Variants in UMOD observed in about 807,000 individuals in gnomAD.
UMOD encodes Tamm-Horsfall urinary glycoprotein.
In UMOD, 64 loss-of-function variants were observed where a neutral mutation model predicts 66.0. The observed-to-expected ratio is 0.97, with a 90% CI of 0.79 to 1.19. The LOEUF is 1.19. Among genes scored for constraint, UMOD ranks in the 50% most tolerant of loss-of-function variants. UMOD has a pLI of 0.00. For synonymous variants in UMOD, 398 were observed against 352.7 expected (o/e 1.13, Z -1.44); for missense variants, 764 against 850.9 (o/e 0.90, Z 1.27).
chr16:20,333,165 C>T lies in UMOD; in HGVS notation c.*149G>A, dbSNP rs543715946. The T allele has an allele frequency of 5.5e-5, 46 of 842,714 alleles. No homozygotes were observed. Among genetic ancestry groups the T allele is most frequent in the African/African-American group, 1.2e-4 (7 of 59,176 alleles). The allele number at this position is 842,714 out of a possible 1,614,324, so 52.2% of individuals were successfully genotyped here. A position where few individuals can be genotyped will look rare whatever the true frequency, so the allele number is the denominator to read the frequency against. Reference sequence around the variant, plus strand: ...GCATTTAAAGACACAGGCTGTTTCTCGACAGCCAGGATTAAAAGGGAGAAA... The same window carrying T: ...GCATTTAAAGACACAGGCTGTTTCTTGACAGCCAGGATTAAAAGGGAGAAA... On this transcript the variant is annotated 3_prime_UTR_variant, in exon 11 of 11. Coordinates refer to ENST00000396138, the MANE Select transcript of UMOD (RefSeq NM_003361.4).
At position 20,348,337 on chromosome 16, in the gene UMOD, G is replaced by A. The variant is rs1965699705; in HGVS notation, c.866-7C>T. ...CCCTCCACGGAGCTGGGGTCTGCAG[G>A]GTCACAGGGACAGACAGACAATCAA... is the stretch of plus-strand genomic sequence containing the variant. On this transcript the variant is annotated splice_region_variant and splice_polypyrimidine_tract_variant and intron_variant, in intron 3 of 10. Coordinates refer to ENST00000396138, the MANE Select transcript of UMOD (RefSeq NM_003361.4). 12 of 1,614,092 alleles carry A rather than the reference G, an allele frequency of 7.4e-6. 1 individual carries two copies. The African/African-American group carries it at 9.3e-5, about 13-fold the overall frequency.
At chr16:20,345,399 TTTTTC>T (rs199835507) in intron 5 of UMOD, among the ~76,000 whole-genome samples, 2,769 of 41,562 alleles carry the variant, frequency 0.067, 70 homozygotes, top group African/African-American at 0.13. Flanking sequence ...CTTTTCTTTT[TTTTTC>T]TTTCTTTCTT....
chr16:20,350,626 A>T (rs758101807), intron 2 of UMOD, 24 bp downstream of exon 2: 2 of 1,613,634 alleles, frequency 1.2e-6, no homozygotes, highest in Non-Finnish European at 1.7e-6. Context: ...ACACATATAC[A>T]ACGCACACAC....
chr16:20,342,249 G>T (rs1186077996), intron 6 of UMOD, among the ~76,000 whole-genome samples: 1 of 152,244 alleles, frequency 6.6e-6, no homozygotes, highest in Non-Finnish European at 1.5e-5. Context: ...CCACCTGGGA[G>T]ACTGAGGTGG....
chr16:20,340,524 T>A (rs948421595), intron 7 of UMOD, among the ~76,000 whole-genome samples: 2 of 150,908 alleles, frequency 1.3e-5, no homozygotes, highest in Non-Finnish European at 3.0e-5. Context: ...CCAATACATA[T>A]GTATTGATAA....
intron 7 of UMOD, among the ~76,000 whole-genome samples, chr16:20,340,457 T>C (rs1965132107): frequency 1.7e-5 from 2 of 116,348 alleles, no homozygotes; most frequent in Non-Finnish European, 3.3e-5. Context: ...TGTGTGTATA[T>C]ATATGTGTGT....
chr16:20,348,569 G>A lies in UMOD; in HGVS notation c.732C>T (p.Ser244=). Residue 244 remains serine (S), a synonymous_variant, in exon 3 of 11, where the codon AGC becomes AGT. Coordinates refer to ENST00000396138, the MANE Select transcript of UMOD (RefSeq NM_003361.4). ...CGCTCCAGTGCGCGCAGGCCTTGCGGCTCACGATGCCCTCGTCGCTGGACG... is the reference window on the plus strand; with the variant it reads ...CGCTCCAGTGCGCGCAGGCCTTGCGACTCACGATGCCCTCGTCGCTGGACG... ...THPSSDEGIV[S]RKACAHWSGH... The A allele has an allele frequency of 6.3e-7, 1 of 1,596,326 alleles. No individual in the cohort carries two copies. Among genetic ancestry groups the A allele is most frequent in the Middle Eastern group, 1.7e-4 (1 of 6,032 alleles).
Position 20,336,693 on chromosome 16 carries a change from A to G in UMOD, c.1775T>C (p.Val592Ala). The G allele has an allele frequency of 6.2e-7, 1 of 1,614,094 alleles. No homozygotes were observed. Among genetic ancestry groups the G allele is most frequent in the Non-Finnish European group, 8.5e-7 (1 of 1,180,004 alleles). ...CSGTRFRSGSVIDQSRVLNLG... is the reference protein window; with the variant it reads ...CSGTRFRSGSAIDQSRVLNLG... ...GTTCAGGACACGGGATTGATCTATGACACTCCCACTTCGGAATCTGGTCCC... is the reference window on the plus strand; with the variant it reads ...GTTCAGGACACGGGATTGATCTATGGCACTCCCACTTCGGAATCTGGTCCC... The change falls in exon 9 of 11, where the codon GTC (valine) becomes GCC (alanine). Residue 592 changes from valine (V) to alanine (A), a missense_variant. Val to Ala is a moderately conservative substitution (Grantham distance 64). Coordinates refer to ENST00000396138, the MANE Select transcript of UMOD (RefSeq NM_003361.4).
At position 20,349,584 on chromosome 16, in the gene UMOD, G is replaced by A. The variant is rs551498901; in HGVS notation, c.89-372C>T. 10 of 1,289,856 alleles carry A rather than the reference G, an allele frequency of 7.8e-6. No individual in the cohort carries two copies. In the East Asian group the frequency reaches 2.1e-4, roughly 27 times the overall value. The allele number at this position is 1,289,856 out of a possible 1,614,324, so 79.9% of individuals were successfully genotyped here. Reference sequence around the variant, plus strand: ...CCCTGCCTCAGCTTCCCAAAAAGTTGGGACCACAGGCACGTGCAATCGCGC... The same window carrying A: ...CCCTGCCTCAGCTTCCCAAAAAGTTAGGACCACAGGCACGTGCAATCGCGC... On this transcript the variant is annotated intron_variant, in intron 2 of 10. Coordinates refer to ENST00000396138, the MANE Select transcript of UMOD (RefSeq NM_003361.4).
intron 1 of UMOD, 74 bp from the exon 2 acceptor site, chr16:20,350,913 G>A: frequency 6.9e-7 from 1 of 1,441,718 alleles, no homozygotes; most frequent in African/African-American, 1.4e-5. Context: ...TGCTTTGATT[G>A]TATAGTATAC....
At chr16:20,343,411 C>G (rs996188907) in intron 6 of UMOD, among the ~76,000 whole-genome samples, 1 of 152,204 alleles carries the variant, frequency 6.6e-6, no homozygotes, top group Non-Finnish European at 1.5e-5. Flanking sequence ...CTTTCATTCA[C>G]AGAGAAGGAA....
At chr16:20,348,357 A>T in intron 3 of UMOD, 27 bp from the exon 4 acceptor site, 3 of 1,614,184 alleles carry the variant, frequency 1.9e-6, no homozygotes, top group Non-Finnish European at 2.5e-6. Context: ...ACAGACAGAC[A>T]ATCAATAAGG....
chr16:20,346,644 A>T (rs1448590918), intron 4 of UMOD, among the ~76,000 whole-genome samples: 5 of 152,190 alleles, frequency 3.3e-5, no homozygotes, highest in Admixed American at 1.3e-4. Context: ...TTAAAAAAAT[A>T]AAAAGGCTAG....
Position 20,346,330 on chromosome 16 carries a change from G to A in UMOD, c.978C>T (p.Ile326=), listed in dbSNP as rs1160731257. 6.2e-7 allele frequency: 1 copy of A among 1,614,256 alleles called. No homozygotes were observed. Residue 326 remains isoleucine (I), a synonymous_variant, in exon 5 of 11, where the codon ATC becomes ATT. Transcript: ENST00000396138. The part of the protein sequence containing the change: ...QCKQDFNITD[I]SLLEHRLECG... Reference sequence around the variant, plus strand: ...ATTCCAGCCTGTGCTCCAGGAGGGAGATATCTGAAACAGGTTAGGTGGGAT... The same window carrying A: ...ATTCCAGCCTGTGCTCCAGGAGGGAAATATCTGAAACAGGTTAGGTGGGAT...
chr16:20,346,331 A>C lies in UMOD; in HGVS notation c.977T>G (p.Ile326Ser). The C allele has an allele frequency of 6.2e-7, 1 of 1,614,184 alleles. No individual in the cohort carries two copies. Among genetic ancestry groups the C allele is most frequent in the South Asian group, 1.1e-5 (1 of 91,082 alleles). ...QCKQDFNITD[I>S]SLLEHRLECG... ...TTCCAGCCTGTGCTCCAGGAGGGAGATATCTGAAACAGGTTAGGTGGGATT... is the reference window on the plus strand; with the variant it reads ...TTCCAGCCTGTGCTCCAGGAGGGAGCTATCTGAAACAGGTTAGGTGGGATT... The change falls in exon 5 of 11, where the codon ATC (isoleucine) becomes AGC (serine). Residue 326 changes from isoleucine (I) to serine (S), a missense_variant. By Grantham distance (142) the Ile-to-Ser change is moderately radical (BLOSUM62 -2). Transcript: ENST00000396138.
intron 5 of UMOD, among the ~76,000 whole-genome samples, 159 bp downstream of exon 5, chr16:20,345,967 C>T (rs1965557902): frequency 6.6e-6 from 1 of 152,246 alleles, no homozygotes; most frequent in African/African-American, 2.4e-5. Context: ...CTCAATACAC[C>T]TGTGGAGTAG....
chr16:20,341,825 G>A lies in UMOD; in HGVS notation c.1332-489C>T, dbSNP rs185418456. On this transcript the variant is annotated intron_variant, in intron 6 of 10. Coordinates refer to ENST00000396138, the MANE Select transcript of UMOD (RefSeq NM_003361.4). ...CTTGCGTCCTGGCCTCCATCGTGAT[G>A]TACTAACATCTATATCAGAAGATTG... Among the ~76,000 whole-genome samples the A allele has an allele frequency of 1.6e-4, 25 of 152,330 alleles. No individual in the cohort carries two copies. In the South Asian group the frequency reaches 2.1e-3, roughly 13 times the overall value.
intron 7 of UMOD, among the ~76,000 whole-genome samples, chr16:20,338,133 C>G (rs1964983833): frequency 6.6e-6 from 1 of 152,198 alleles, no homozygotes; most frequent in Non-Finnish European, 1.5e-5. Context: ...GAGTGTTTTT[C>G]ACTCTTAGCT....
intron 1 of UMOD, among the ~76,000 whole-genome samples, chr16:20,351,855 T>C (rs1965909101): frequency 6.6e-6 from 1 of 151,764 alleles, no homozygotes. Context: ...CCATCTCTAA[T>C]AAAAATACAA....
Sources: allele counts gnomAD v4.1 joint callset (sites outside exome capture counted in the v4.1 genomes callset), GRCh38; gene constraint gnomAD v4.1.1; transcripts MANE v1.5; gene names NCBI Gene and HGNC (gene_info 2026-07-23, HGNC 2026-07-21).